Variants in NRXN1 observed in about 807,000 individuals in gnomAD.
NRXN1 encodes neurexin 1, also known as neurexin-1.
A neutral mutation model predicts 150.9 loss-of-function variants in NRXN1; 39 were observed. That is an observed-to-expected ratio of 0.26 (90% CI 0.20 to 0.34). The LOEUF (loss-of-function observed/expected upper bound fraction) is 0.34, where lower values mean the gene tolerates loss of function less well. Among genes scored for constraint, NRXN1 ranks in the 10% least tolerant of loss-of-function variants. The pLI, the probability that NRXN1 is intolerant of heterozygous loss-of-function variation, is 1.00. For missense variants in NRXN1, 1,815 were observed against 1,949.9 expected, an observed-to-expected ratio of 0.93 and a Z score of 1.30; for synonymous variants, 924 against 757.0, an observed-to-expected ratio of 1.22 and a Z score of -3.62.
At chr2:50,013,809 G>C (rs3796035) in intron 21 of NRXN1, among the ~76,000 whole-genome samples, 25,746 of 152,070 alleles carry the variant, frequency 0.17, 2,523 homozygotes, top group East Asian at 0.35. Flanking sequence ...ATTAATGAAA[G>C]ACATTTCTTA....
chr2:50,013,953 G>C (rs1369866070), intron 21 of NRXN1, among the ~76,000 whole-genome samples: 1 of 152,074 alleles, frequency 6.6e-6, no homozygotes, highest in Non-Finnish European at 1.5e-5. Flanking sequence ...AGTTAGGAAG[G>C]GTTATTTGGA....
intron 5 of NRXN1, among the ~76,000 whole-genome samples, chr2:50,819,870 T>C (rs549693234): frequency 9.2e-5 from 14 of 152,232 alleles, no homozygotes; most frequent in African/African-American, 2.9e-4. Context: ...CTGTTAACAC[T>C]GACTTGAGCA....
intron 5 of NRXN1, among the ~76,000 whole-genome samples, chr2:50,895,577 G>T (rs12713122): frequency 0.46 from 65,835 of 144,206 alleles, 15,653 homozygotes; most frequent in Non-Finnish European, 0.57. Context: ...TGTTTTTTTT[G>T]TTTGTTTGTC....
At chr2:50,734,378 A>G (rs944352665) in intron 5 of NRXN1, among the ~76,000 whole-genome samples, 1 of 152,168 alleles carries the variant, frequency 6.6e-6, no homozygotes, top group African/African-American at 2.4e-5. Flanking sequence ...AGTTAATGTG[A>G]ATCCAGGAAA....
At chr2:50,322,729 A>C (rs1159323381) in intron 17 of NRXN1, among the ~76,000 whole-genome samples, 1 of 152,198 alleles carries the variant, frequency 6.6e-6, no homozygotes, top group Non-Finnish European at 1.5e-5. Context: ...GAAAATAATT[A>C]ATTCTTGAAA....
chr2:50,712,413 C>T (rs951141277), intron 5 of NRXN1, among the ~76,000 whole-genome samples: 4 of 152,100 alleles, frequency 2.6e-5, no homozygotes, highest in African/African-American at 9.7e-5. Context: ...TTCCTTTCAC[C>T]AAGCTCTCCT....
chr2:50,481,966 C>T (rs2090502094), intron 15 of NRXN1, among the ~76,000 whole-genome samples: 1 of 138,962 alleles, frequency 7.2e-6, no homozygotes, highest in South Asian at 2.1e-4. Flanking sequence ...GACGGGGTTT[C>T]ACCGTTTTAG....
chr2:50,499,333 G>C (rs17476669), intron 13 of NRXN1, among the ~76,000 whole-genome samples: 1 of 151,802 alleles, frequency 6.6e-6, no homozygotes, highest in Non-Finnish European at 1.5e-5. Context: ...GGTTTGTTCT[G>C]ATTCCCTTCC....
intron 5 of NRXN1, among the ~76,000 whole-genome samples, chr2:50,878,306 A>T (rs1476723326): frequency 6.6e-6 from 1 of 151,864 alleles, no homozygotes; most frequent in Non-Finnish European, 1.5e-5. Flanking sequence ...TGCCATTTTA[A>T]ATTTTCCCTG....
chr2:50,255,122 T>C (rs1015271578), intron 17 of NRXN1, among the ~76,000 whole-genome samples: 2 of 152,084 alleles, frequency 1.3e-5, no homozygotes, highest in Non-Finnish European at 2.9e-5. Flanking sequence ...CACATATGTT[T>C]ATAATAACGG....
chr2:50,503,937 T>C (rs987627472), intron 13 of NRXN1, among the ~76,000 whole-genome samples: 2 of 152,056 alleles, frequency 1.3e-5, no homozygotes, highest in Non-Finnish European at 2.9e-5. Flanking sequence ...ATAGAGGCCA[T>C]AACATCAACA....
intron 21 of NRXN1, among the ~76,000 whole-genome samples, chr2:50,050,298 C>T (rs1223813743): frequency 6.6e-6 from 1 of 151,832 alleles, no homozygotes; most frequent in African/African-American, 2.4e-5. Flanking sequence ...CTATTACTAT[C>T]CCTGCAGGAT....
At chr2:50,579,927 T>C (rs1323686631) in intron 8 of NRXN1, among the ~76,000 whole-genome samples, 1 of 152,146 alleles carries the variant, frequency 6.6e-6, no homozygotes, top group Admixed American at 6.5e-5. Flanking sequence ...TATTTTCTGA[T>C]GGGGGATTCT....
intron 17 of NRXN1, among the ~76,000 whole-genome samples, chr2:50,453,142 A>G (rs1285388469): frequency 6.6e-6 from 1 of 152,198 alleles, no homozygotes; most frequent in Non-Finnish European, 1.5e-5. Flanking sequence ...CATTATCTGG[A>G]AAGCAAAGAA....
intron 2 of NRXN1, among the ~76,000 whole-genome samples, chr2:50,974,242 C>T (rs1695480444): frequency 6.6e-6 from 1 of 152,088 alleles, no homozygotes; most frequent in Non-Finnish European, 1.5e-5. Context: ...TACAAAATGC[C>T]AGACCAGGGA....
chr2:50,061,361 T>G (rs191622392), intron 19 of NRXN1, among the ~76,000 whole-genome samples: 20 of 152,288 alleles, frequency 1.3e-4, no homozygotes, highest in African/African-American at 4.8e-4. Context: ...GGATCTAATA[T>G]CAAATATGCT....
Position 49,939,104 on chromosome 2 carries a change from C to T in NRXN1, c.4216+4600G>A, listed in dbSNP as rs545930770. On this transcript the variant is annotated intron_variant, in intron 22 of 22. Transcript: ENST00000401669. ...AATAACAAATACTAATAACAGGAAACACTCATATAGCACTTATTTTGAGCA... is the reference window on the plus strand; with the variant it reads ...AATAACAAATACTAATAACAGGAAATACTCATATAGCACTTATTTTGAGCA... 2.6e-5 allele frequency among the ~76,000 whole-genome samples: 4 copies of T among 152,124 alleles called. No individual in the cohort carries two copies. In the South Asian group the frequency reaches 8.3e-4, roughly 32 times the overall value.
chr2:50,492,560 T>C (rs1461352265), intron 15 of NRXN1, among the ~76,000 whole-genome samples: 2 of 152,192 alleles, frequency 1.3e-5, no homozygotes, highest in Non-Finnish European at 2.9e-5. Flanking sequence ...GAATTTTAGA[T>C]GTCTGAAAAC....
chr2:50,099,960 A>AAAT (rs1463776100), intron 18 of NRXN1, among the ~76,000 whole-genome samples: 2 of 152,248 alleles, frequency 1.3e-5, no homozygotes, highest in Admixed American at 1.3e-4. Context: ...TTATGGTTCT[A>AAAT]GGGAAATCCT....
Sources: allele counts gnomAD v4.1 joint callset (sites outside exome capture counted in the v4.1 genomes callset), GRCh38; gene constraint gnomAD v4.1.1; transcripts MANE v1.5; gene names NCBI Gene and HGNC (gene_info 2026-07-23, HGNC 2026-07-21).